The following DENND2D variants were observed in gnomAD, a reference collection of about 807,000 sequenced individuals.
DENND2D encodes DENN domain containing 2D, also known as DENN domain-containing protein 2D.
In DENND2D, 37 loss-of-function variants were observed where a neutral mutation model predicts 59.8. The ratio of observed to expected loss-of-function variants is 0.62; its 90% CI spans 0.48 to 0.81. DENND2D has a LOEUF of 0.81. Ranked by LOEUF, DENND2D falls within the 40% of genes least tolerant of loss-of-function variation. The probability of loss-of-function intolerance (pLI) is 0.00; values close to 1 mark genes in which losing one functional copy is unlikely to be tolerated. For synonymous variants in DENND2D, 219 were observed against 211.3 expected, an observed-to-expected ratio of 1.04 and a Z score of -0.31; for missense variants, 525 against 579.7, an observed-to-expected ratio of 0.91 and a Z score of 0.97.
At chr1:111,198,865 A>AT in intron 2 of DENND2D, 123 bp from the exon 3 acceptor site, 2 of 911,944 alleles carry the variant, frequency 2.2e-6, no homozygotes, top group Non-Finnish European at 3.4e-6. Flanking sequence ...CTTCTCCACT[A>AT]GCATAGGGGC....
intron 8 of DENND2D, 50 bp downstream of exon 8, chr1:111,192,090 A>G (rs374395836): frequency 5.3e-5 from 78 of 1,480,164 alleles, no homozygotes; most frequent in East Asian, 4.8e-4. Flanking sequence ...TGGGATCTGA[A>G]TCCCACTCTA....
chr1:111,195,019 C>T, intron 6 of DENND2D: 1 of 394,500 alleles, frequency 2.5e-6, no homozygotes, highest in Non-Finnish European at 4.6e-6. Context: ...TGCCTGCAGC[C>T]TTCACAGTGA....
chr1:111,197,101 C>A, intron 5 of DENND2D, 75 bp downstream of exon 5: 1 of 1,502,800 alleles, frequency 6.7e-7, no homozygotes, highest in Non-Finnish European at 9.1e-7. Context: ...CCACTAAGAG[C>A]TTAGTTGCAC....
rs1445593732 is a variant in DENND2D, at chr1:111,198,096, TA to T, written c.357-108del. The T allele has an allele frequency of 1.7e-4, 176 of 1,055,330 alleles. No individual in the cohort carries two copies. In the Middle Eastern group the frequency reaches 4.0e-3, roughly 24 times the overall value. The allele number at this position is 1,055,330 out of a possible 1,614,324, so 65.4% of individuals were successfully genotyped here. ...AGGAGGGCAAAGGGGAGTTGCTGAT[TA>T]ATCACAGGAGTAAGGGCTCACTGGT... On this transcript the variant is annotated intron_variant, in intron 3 of 11. Transcript: ENST00000357640.
In DENND2D at chr1:111,199,685, A is replaced by C; in HGVS notation, c.181T>G (p.Ser61Ala). The C allele has an allele frequency of 1.2e-6, 2 of 1,614,082 alleles. No individual in the cohort carries two copies. Among genetic ancestry groups the C allele is most frequent in the Non-Finnish European group, 1.7e-6 (2 of 1,180,000 alleles). Residue 61 changes from serine (S) to alanine (A), a missense_variant, in exon 2 of 12, where the codon TCT becomes GCT. By Grantham distance (99) the Ser-to-Ala change is moderately conservative. Coordinates refer to ENST00000357640, the MANE Select transcript of DENND2D (RefSeq NM_024901.5). The part of the protein sequence containing the change: ...QHFFEYLLVV[S>A]LKKKRSEDDY... ...TCCTCTGAACGCTTCTTTTTGAGAG[A>C]AACCACAAGAAGGTATTCAAAGAAG...
Position 111,188,336 on chromosome 1 carries a change from G to A in DENND2D, c.1134C>T (p.Pro378=). 6.2e-7 allele frequency: 1 copy of A among 1,614,096 alleles called. No individual in the cohort carries two copies. Among genetic ancestry groups the A allele is most frequent in the Non-Finnish European group, 8.5e-7 (1 of 1,180,024 alleles). Residue 378 remains proline (P), a synonymous_variant, in exon 11 of 12, where the codon CCC becomes CCT. Coordinates refer to ENST00000357640, the MANE Select transcript of DENND2D (RefSeq NM_024901.5). ...CAATCTTGACAAAGAACTGCACAAA[G>A]GGGCCTGAAACATGCTCGTTGATTT... ...AEQINEHVSG[P]FVQFFVKIVG...
Position 111,199,657 on chromosome 1 carries a change from T to G in DENND2D, c.209A>C (p.Asp70Ala). 3 of 1,614,050 alleles carry G rather than the reference T, an allele frequency of 1.9e-6. No individual in the cohort carries two copies. Among genetic ancestry groups the G allele is most frequent in the Non-Finnish European group, 2.5e-6 (3 of 1,179,998 alleles). The change falls in exon 2 of 12, where the codon GAT becomes GCT. Residue 70 changes from aspartate to alanine, a missense_variant. Coordinates refer to ENST00000357640, the MANE Select transcript of DENND2D (RefSeq NM_024901.5). The part of the protein sequence containing the change: ...VSLKKKRSED[D>A]YEPIITYQFP... ...TTGGTAGGTGATTATAGGCTCGTAA[T>G]CATCCTCTGAACGCTTCTTTTTGAG...
intron 8 of DENND2D, among the ~76,000 whole-genome samples, chr1:111,191,262 G>A (rs72691294): frequency 0.04 from 6,141 of 152,260 alleles, 171 homozygotes; most frequent in Non-Finnish European, 0.061. Context: ...TCTTTACTTT[G>A]CAGCAATGGT....
intron 11 of DENND2D, 38 bp downstream of exon 11, chr1:111,188,093 C>T (rs1657385851): frequency 6.2e-7 from 1 of 1,609,138 alleles, no homozygotes; most frequent in East Asian, 2.2e-5. Context: ...TAGAGGTAAC[C>T]CTCTATGGGC....
chr1:111,203,940 G>T (rs1011470177), upstream of DENND2D, among the ~76,000 whole-genome samples: 2 of 152,080 alleles, frequency 1.3e-5, no homozygotes, highest in African/African-American at 4.8e-5. Flanking sequence ...CTGAGGCAGT[G>T]CCTCTGGGAG....
In DENND2D at chr1:111,186,633, C is replaced by T. The variant is rs931237589; in HGVS notation, c.*972G>A. Among the ~76,000 whole-genome samples, 2 of 152,192 alleles carry T rather than the reference C, an allele frequency of 1.3e-5. No homozygotes were observed. The highest frequency in any genetic ancestry group is 2.4e-5 in the African/African-American group (1 of 41,442). ...AGACTAGGTGACCACTAAACTCCTT[C>T]AGACTCTTAAAATTACGATTCTTTT... On this transcript the variant is annotated 3_prime_UTR_variant, in exon 12 of 12. Coordinates refer to ENST00000357640, the MANE Select transcript of DENND2D (RefSeq NM_024901.5).
chr1:111,187,637 G>C lies in DENND2D; in HGVS notation c.1384C>G (p.Gln462Glu), dbSNP rs1434568003. The change falls in exon 12 of 12, where the codon CAG (glutamine) becomes GAG (glutamate). Residue 462 changes from glutamine to glutamate, a missense_variant. By Grantham distance (29) the Gln-to-Glu change is conservative. Coordinates refer to ENST00000357640, the MANE Select transcript of DENND2D (RefSeq NM_024901.5). ...KILEYEEQKK[Q>E]KKPREKTVK ...ACAGTTTTTTCCCTTGGTTTCTTCTGTTTCTTCTGTTCCTCATATTCAAGT... is the reference window on the plus strand; with the variant it reads ...ACAGTTTTTTCCCTTGGTTTCTTCTCTTTCTTCTGTTCCTCATATTCAAGT... 2 of 1,613,830 alleles carry C rather than the reference G, an allele frequency of 1.2e-6. No homozygotes were observed. The highest frequency in any genetic ancestry group is 1.1e-5 in the South Asian group (1 of 91,058).
upstream of DENND2D, among the ~76,000 whole-genome samples, chr1:111,202,776 G>A (rs936306732): frequency 1.3e-5 from 2 of 152,062 alleles, no homozygotes; most frequent in South Asian, 2.1e-4. Flanking sequence ...AAGGAGGAAG[G>A]GGGAGAATCC....
At chr1:111,189,368 T>A in intron 8 of DENND2D, 115 bp from the exon 9 acceptor site, 1 of 1,018,810 alleles carries the variant, frequency 9.8e-7, no homozygotes, top group South Asian at 1.4e-5. Flanking sequence ...AGCAACAAAA[T>A]CAATATCTTC....
intron 2 of DENND2D, 140 bp downstream of exon 2, chr1:111,199,483 G>A (rs957075888): frequency 5.5e-6 from 5 of 914,592 alleles, no homozygotes; most frequent in Non-Finnish European, 8.3e-6. Context: ...GAAGGAAATG[G>A]AGAGCAGTGA....
chr1:111,199,530 G>A (rs940104848), intron 2 of DENND2D, 93 bp downstream of exon 2: 8 of 1,438,344 alleles, frequency 5.6e-6, no homozygotes, highest in East Asian at 2.3e-5. Context: ...TCAAGCCCCG[G>A]TAGGGTAGGG....
In DENND2D at chr1:111,200,483, G is replaced by C; in HGVS notation, c.-24C>G. The C allele has an allele frequency of 6.3e-7, 1 of 1,597,356 alleles. No individual in the cohort carries two copies. The highest frequency in any genetic ancestry group is 1.7e-5 in the Admixed American group (1 of 58,272). On this transcript the variant is annotated 5_prime_UTR_variant, in exon 1 of 12. Transcript: ENST00000357640. ...ATCTCTGGGCCTTCAGGACAGAGCG[G>C]ACTCCCCTCTCCCCTAACACAGACA...
In DENND2D at chr1:111,197,688, G is replaced by A. The variant is rs1244048222; in HGVS notation, c.426+232C>T. ...GGGAGAGGAGTTAGTTGTATTGAAA[G>A]CCAGAGAGAGCACAGACCAGAGCCT... On this transcript the variant is annotated intron_variant, in intron 4 of 11. Coordinates refer to ENST00000357640, the MANE Select transcript of DENND2D (RefSeq NM_024901.5). The A allele has an allele frequency of 3.6e-6, 5 of 1,398,214 alleles. No individual in the cohort carries two copies. In the East Asian group the frequency reaches 1.1e-4, roughly 29 times the overall value. 86.6% of individuals were successfully genotyped at this position (1,398,214 alleles called of 1,614,324 possible). A position where few individuals can be genotyped will look rare whatever the true frequency, so the allele number is the denominator to read the frequency against.
At chr1:111,192,435 A>C (rs1657869302) in intron 7 of DENND2D, 118 bp from the exon 8 acceptor site, 1 of 1,125,378 alleles carries the variant, frequency 8.9e-7, no homozygotes, top group African/African-American at 1.6e-5. Context: ...ATGGGCAGAA[A>C]GGCAAGTCTG....
Sources: gnomAD v4.1 joint callset for allele counts (sites outside exome capture counted in the v4.1 genomes callset) on GRCh38, gnomAD v4.1.1 for gene constraint, MANE v1.5 for transcripts, NCBI Gene and HGNC (gene_info 2026-07-23, HGNC 2026-07-21) for gene names.